The following CDH13 variants were observed in gnomAD, a reference collection of about 807,000 sequenced individuals.
CDH13 encodes the protein cadherin-13.
Under a neutral mutation model 63.8 loss-of-function variants are expected in CDH13, and 24 were observed. That is an observed-to-expected ratio of 0.38 (90% CI 0.27 to 0.53). The LOEUF (loss-of-function observed/expected upper bound fraction) is 0.53, where lower values mean the gene tolerates loss of function less well. CDH13 is among the 20% of genes least tolerant of loss of function. The pLI is 0.85. For synonymous variants in CDH13, 503 were observed against 355.3 expected, an observed-to-expected ratio of 1.42 and a Z score of -4.67; for missense variants, 1,049 against 903.1, an observed-to-expected ratio of 1.16 and a Z score of -2.07.
chr16:83,014,491 T>C (rs903587427), intron 2 of CDH13, among the ~76,000 whole-genome samples: 1 of 151,534 alleles, frequency 6.6e-6, no homozygotes, highest in African/African-American at 2.4e-5. Flanking sequence ...CTCAGCACTT[T>C]GGGAGGCCAA....
chr16:83,700,112 A>G (rs1905995379), intron 10 of CDH13, among the ~76,000 whole-genome samples: 1 of 152,022 alleles, frequency 6.6e-6, no homozygotes, highest in African/African-American at 2.4e-5. Flanking sequence ...CCAGGCAACC[A>G]CTGATCTGCC....
intron 6 of CDH13, among the ~76,000 whole-genome samples, chr16:83,346,801 G>A (rs1003352988): frequency 1.3e-5 from 2 of 152,034 alleles, no homozygotes; most frequent in Non-Finnish European, 1.5e-5. Context: ...TGTTTTTTGT[G>A]TATTTTTTAG....
At chr16:83,046,072 T>G (rs1917755115) in intron 3 of CDH13, among the ~76,000 whole-genome samples, 1 of 152,198 alleles carries the variant, frequency 6.6e-6, no homozygotes, top group Non-Finnish European at 1.5e-5. Flanking sequence ...ATTGCTTGTT[T>G]AAGCAAAGCC....
intron 2 of CDH13, among the ~76,000 whole-genome samples, chr16:82,981,234 A>G (rs140193428): frequency 6.6e-6 from 1 of 152,314 alleles, no homozygotes; most frequent in East Asian, 1.9e-4. Context: ...TCAAAACTAA[A>G]TTAATTATCA....
At chr16:83,022,575 C>T (rs920739472) in intron 2 of CDH13, among the ~76,000 whole-genome samples, 4 of 152,206 alleles carry the variant, frequency 2.6e-5, no homozygotes, top group African/African-American at 7.2e-5. Context: ...CACATCACTG[C>T]AAGTCCTTCT....
Position 82,804,312 on chromosome 16 carries a change from C to CACACAT in CDH13, c.46-54050_46-54049insACACAT, listed in dbSNP as rs58046063. 8.4e-3 allele frequency among the ~76,000 whole-genome samples: 1,249 copies of CACACAT among 148,364 alleles called. 35 individuals carry two copies. Among genetic ancestry groups the CACACAT allele is most frequent in the African/African-American group, 0.025 (980 of 39,834 alleles). ...ACACACACACACACACACACACACA[C>CACACAT]GCACACACATACAAATACAAAGAAA... On this transcript the variant is annotated intron_variant, in intron 1 of 13. Transcript: ENST00000567109.
At chr16:83,540,233 A>C (rs1229329098) in intron 7 of CDH13, among the ~76,000 whole-genome samples, 1 of 151,836 alleles carries the variant, frequency 6.6e-6, no homozygotes, top group Non-Finnish European at 1.5e-5. Flanking sequence ...GTCGTGATCA[A>C]CTCAGTATAC....
chr16:83,446,022 G>C (rs536275383), intron 6 of CDH13, among the ~76,000 whole-genome samples: 1 of 152,154 alleles, frequency 6.6e-6, no homozygotes, highest in Non-Finnish European at 1.5e-5. Context: ...AGGAAGGTCA[G>C]GTGCTGTGGC....
intron 5 of CDH13, among the ~76,000 whole-genome samples, chr16:83,299,152 T>C (rs2089671130): frequency 6.6e-6 from 1 of 152,208 alleles, no homozygotes; most frequent in Non-Finnish European, 1.5e-5. Context: ...TTTTATCTAA[T>C]CTGAATGGAG....
chr16:83,708,300 T>C (rs1269489605), intron 10 of CDH13, among the ~76,000 whole-genome samples: 1 of 152,242 alleles, frequency 6.6e-6, no homozygotes, highest in African/African-American at 2.4e-5. Context: ...TGCTTCCACA[T>C]GTTCTTCAAA....
intron 5 of CDH13, among the ~76,000 whole-genome samples, chr16:83,272,630 T>A (rs868796998): frequency 3.9e-5 from 6 of 152,164 alleles, no homozygotes; most frequent in African/African-American, 1.4e-4. Context: ...CAGAGAGACA[T>A]CTCTAGCAAA....
At chr16:82,716,873 C>T (rs1020431797) in intron 1 of CDH13, among the ~76,000 whole-genome samples, 2 of 151,974 alleles carry the variant, frequency 1.3e-5, no homozygotes, top group East Asian at 2.0e-4. Flanking sequence ...AAGCCTTACA[C>T]GGGTCCGTCG....
intron 4 of CDH13, among the ~76,000 whole-genome samples, chr16:83,203,806 A>C (rs1027866295): frequency 6.6e-6 from 1 of 152,180 alleles, no homozygotes; most frequent in African/African-American, 2.4e-5. Context: ...AGGGAAGTGA[A>C]GTTTGGCAAG....
chr16:83,459,419 A>G (rs1226011272), intron 6 of CDH13, among the ~76,000 whole-genome samples: 2 of 152,376 alleles, frequency 1.3e-5, no homozygotes, highest in East Asian at 1.9e-4. Flanking sequence ...CTCACACTTC[A>G]GAATGTTTAT....
rs148318906 is a variant in CDH13, at chr16:82,963,894, G to C, written c.158-68116G>C. On this transcript the variant is annotated intron_variant, in intron 2 of 13. Coordinates refer to ENST00000567109, the MANE Select transcript of CDH13 (RefSeq NM_001257.5). ...GCAAGGGCACCGGAAAGCCAGGTCG[G>C]AGAATAGAGACCCCCAGCCTGCTCT... Among the ~76,000 whole-genome samples the C allele has an allele frequency of 1.1e-3, 172 of 152,286 alleles. 1 individual carries two copies. Among genetic ancestry groups the C allele is most frequent in the African/African-American group, 4.1e-3 (170 of 41,562 alleles).
intron 7 of CDH13, among the ~76,000 whole-genome samples, chr16:83,559,127 G>T (rs935593456): frequency 6.6e-6 from 1 of 152,238 alleles, no homozygotes; most frequent in Non-Finnish European, 1.5e-5. Flanking sequence ...GGAGGGCAGA[G>T]TGAAGACAGA....
chr16:82,811,852 G>C (rs1463604822), intron 1 of CDH13, among the ~76,000 whole-genome samples: 1 of 152,138 alleles, frequency 6.6e-6, no homozygotes, highest in African/African-American at 2.4e-5. Flanking sequence ...AACTTAATAA[G>C]GATGAGAATG....
At chr16:82,820,798 A>G (rs2037968258) in intron 1 of CDH13, among the ~76,000 whole-genome samples, 1 of 152,232 alleles carries the variant, frequency 6.6e-6, no homozygotes, top group African/African-American at 2.4e-5. Context: ...TGGATTTCCT[A>G]GATCTGGCCC....
At chr16:83,445,530 T>G (rs187927341) in intron 6 of CDH13, among the ~76,000 whole-genome samples, 2 of 152,236 alleles carry the variant, frequency 1.3e-5, no homozygotes, top group East Asian at 3.9e-4. Flanking sequence ...ACCGATAGCC[T>G]CCCACAGCTG....
Sources: gnomAD v4.1 joint callset for allele counts (sites outside exome capture counted in the v4.1 genomes callset) on GRCh38, gnomAD v4.1.1 for gene constraint, MANE v1.5 for transcripts, NCBI Gene and HGNC (gene_info 2026-07-23, HGNC 2026-07-21) for gene names.